Variants in SH3RF3 observed in about 807,000 individuals in gnomAD.
The protein encoded by SH3RF3 is E3 ubiquitin-protein ligase SH3RF3.
A neutral mutation model predicts 66.3 loss-of-function variants in SH3RF3; 29 were observed. That is an observed-to-expected ratio of 0.44 (90% CI 0.33 to 0.60). The LOEUF (loss-of-function observed/expected upper bound fraction) is 0.60, where lower values mean the gene tolerates loss of function less well. Ranked by LOEUF, SH3RF3 falls within the 20% of genes least tolerant of loss-of-function variation. The probability of loss-of-function intolerance (pLI) is 0.04; values close to 1 mark genes in which losing one functional copy is unlikely to be tolerated. For synonymous variants in SH3RF3, 583 were observed against 532.0 expected, an observed-to-expected ratio of 1.10 and a Z score of -1.32; for missense variants, 1,194 against 1,190.9, an observed-to-expected ratio of 1.00 and a Z score of -0.04.
intron 1 of SH3RF3, among the ~76,000 whole-genome samples, chr2:109,268,403 A>G (rs1680548618): frequency 6.6e-6 from 1 of 151,986 alleles, no homozygotes; most frequent in Non-Finnish European, 1.5e-5. Flanking sequence ...AGCAGGGCTG[A>G]GAGCTGGGGT....
Position 109,347,873 on chromosome 2 carries a change from C to A in SH3RF3, c.773C>A (p.Pro258Gln). Residue 258 changes from proline to glutamine, a missense_variant, in exon 2 of 10, where the codon CCG becomes CAG. Pro to Gln is a moderately conservative substitution (Grantham distance 76, BLOSUM62 -1). Coordinates refer to ENST00000309415, the MANE Select transcript of SH3RF3 (RefSeq NM_001099289.3). ...IQCIQPLPHA[P>Q]PQGKALYDFE... is the part of the protein sequence containing the mutation. ...TGCATCCAGCCCTTGCCACACGCCC[C>A]GCCCCAGGGAAAAGCACTTTATGAT... 1 of 1,613,148 alleles carries A rather than the reference C, an allele frequency of 6.2e-7. No homozygotes were observed. The highest frequency in any genetic ancestry group is 1.1e-5 in the South Asian group (1 of 90,838).
intron 1 of SH3RF3, among the ~76,000 whole-genome samples, chr2:109,211,304 T>G (rs1678968704): frequency 6.6e-6 from 1 of 152,242 alleles, no homozygotes; most frequent in Non-Finnish European, 1.5e-5. Context: ...GTTACAAGCC[T>G]GGATTTTGTT....
At chr2:109,424,731 G>T (rs1237930116) in intron 5 of SH3RF3, among the ~76,000 whole-genome samples, 2 of 152,164 alleles carry the variant, frequency 1.3e-5, no homozygotes, top group Non-Finnish European at 2.9e-5. Flanking sequence ...TGATGTGTAT[G>T]TTCTGACGGC....
chr2:109,411,394 G>A (rs1676584840), intron 4 of SH3RF3, among the ~76,000 whole-genome samples: 1 of 152,214 alleles, frequency 6.6e-6, no homozygotes, highest in African/African-American at 2.4e-5. Context: ...CAGGCCTCGT[G>A]TTCTTGGGAG....
intron 2 of SH3RF3, among the ~76,000 whole-genome samples, chr2:109,350,060 G>A (rs1682807505): frequency 6.6e-6 from 1 of 152,252 alleles, no homozygotes; most frequent in South Asian, 2.1e-4. Context: ...GATCACCAGG[G>A]GCAGGCCGGG....
intron 1 of SH3RF3, among the ~76,000 whole-genome samples, chr2:109,279,581 G>T (rs1680835894): frequency 6.6e-6 from 1 of 152,176 alleles, no homozygotes; most frequent in African/African-American, 2.4e-5. Context: ...GTTGCCTAGT[G>T]GGTGGGATTT....
chr2:109,321,045 C>G (rs1682014199), intron 1 of SH3RF3, among the ~76,000 whole-genome samples: 2 of 152,100 alleles, frequency 1.3e-5, no homozygotes, highest in Non-Finnish European at 2.9e-5. Flanking sequence ...GCTGCTCTTA[C>G]TGATAACTTA....
chr2:109,240,911 C>T (rs777567776), intron 1 of SH3RF3, among the ~76,000 whole-genome samples: 3 of 151,138 alleles, frequency 2.0e-5, no homozygotes, highest in Admixed American at 6.6e-5. Context: ...TCTTGCTCCC[C>T]GCTTCTTTTC....
At chr2:109,392,016 A>G (rs1370942127) in intron 3 of SH3RF3, among the ~76,000 whole-genome samples, 2 of 151,956 alleles carry the variant, frequency 1.3e-5, no homozygotes, top group African/African-American at 2.4e-5. Context: ...GGGTCTCACT[A>G]TATTACCCAG....
intron 1 of SH3RF3, among the ~76,000 whole-genome samples, chr2:109,269,201 C>T (rs1680572804): frequency 1.3e-5 from 2 of 152,220 alleles, no homozygotes; most frequent in South Asian, 2.1e-4. Context: ...CTCCAACCTT[C>T]GCCCTGGGAG....
chr2:109,189,060 G>T (rs977131433), intron 1 of SH3RF3, among the ~76,000 whole-genome samples: 2 of 152,082 alleles, frequency 1.3e-5, no homozygotes, highest in Admixed American at 1.3e-4. Flanking sequence ...AGTCCCTCCA[G>T]TGGAAACCCA....
intron 3 of SH3RF3, among the ~76,000 whole-genome samples, chr2:109,381,981 A>G (rs1272980432): frequency 6.6e-6 from 1 of 152,110 alleles, no homozygotes; most frequent in African/African-American, 2.4e-5. Flanking sequence ...GGCTCTTTCC[A>G]TCAACAGGTG....
chr2:109,181,162 T>A (rs1678064238), intron 1 of SH3RF3, among the ~76,000 whole-genome samples: 1 of 152,208 alleles, frequency 6.6e-6, no homozygotes, highest in Non-Finnish European at 1.5e-5. Flanking sequence ...GGTGTTGGAC[T>A]TCTGTGTCAG....
chr2:109,430,678 A>C (rs1350283406), intron 5 of SH3RF3, among the ~76,000 whole-genome samples: 1 of 152,162 alleles, frequency 6.6e-6, no homozygotes, highest in African/African-American at 2.4e-5. Context: ...TATTTCCTCT[A>C]TGGTGATGGG....
chr2:109,261,849 C>T (rs2105291768), intron 1 of SH3RF3, among the ~76,000 whole-genome samples: 1 of 152,154 alleles, frequency 6.6e-6, no homozygotes, highest in East Asian at 1.9e-4. Flanking sequence ...GAAACTGAGG[C>T]TTGCCTTTTT....
At chr2:109,368,671 A>G (rs1034541056) in intron 2 of SH3RF3, among the ~76,000 whole-genome samples, 12 of 149,908 alleles carry the variant, frequency 8.0e-5, no homozygotes, top group African/African-American at 2.7e-4. Flanking sequence ...TTCTAGACCA[A>G]TGTTAGATAC....
intron 1 of SH3RF3, among the ~76,000 whole-genome samples, chr2:109,325,989 A>C (rs997453687): frequency 3.3e-5 from 5 of 152,280 alleles, no homozygotes; most frequent in Admixed American, 6.5e-5. Context: ...TGTTTAAAGA[A>C]GAACAACAAC....
intron 1 of SH3RF3, among the ~76,000 whole-genome samples, chr2:109,207,896 T>G (rs1248652583): frequency 1.3e-5 from 2 of 152,240 alleles, no homozygotes; most frequent in Non-Finnish European, 2.9e-5. Flanking sequence ...TTTCCCTGTA[T>G]CATCATTTTC....
At chr2:109,205,789 G>A (rs1441946284) in intron 1 of SH3RF3, among the ~76,000 whole-genome samples, 2 of 152,232 alleles carry the variant, frequency 1.3e-5, no homozygotes, top group Non-Finnish European at 2.9e-5. Flanking sequence ...CCCTGAAGCA[G>A]CGGGGGGATC....
Sources: allele counts gnomAD v4.1 joint callset (sites outside exome capture counted in the v4.1 genomes callset), GRCh38; gene constraint gnomAD v4.1.1; transcripts MANE v1.5; gene names NCBI Gene and HGNC (gene_info 2026-07-23, HGNC 2026-07-21).